Variants in CCDC171 observed in about 807,000 individuals in gnomAD.
CCDC171 encodes coiled-coil domain-containing protein 171.
Under a neutral mutation model 168.2 loss-of-function variants are expected in CCDC171, and 177 were observed. The observed-to-expected ratio is 1.05, with a 90% confidence interval of 0.93 to 1.19. CCDC171 has a LOEUF of 1.19. CCDC171 is among the 50% of genes most tolerant of loss of function. The probability of loss-of-function intolerance (pLI) is 0.00; values close to 1 mark genes in which losing one functional copy is unlikely to be tolerated. For synonymous variants in CCDC171, 687 were observed against 540.8 expected, an observed-to-expected ratio of 1.27 and a Z score of -3.75; for missense variants, 1,991 against 1,539.0, an observed-to-expected ratio of 1.29 and a Z score of -4.91.
chr9:15,975,844 G>T (rs1338813268), downstream of CCDC171, among the ~76,000 whole-genome samples: 1 of 152,114 alleles, frequency 6.6e-6, no homozygotes. Context: ...TACCGTCTAC[G>T]GCAAAGGGAC....
chr9:16,089,113 A>G, the CCDC171 span, among the ~76,000 whole-genome samples: 26,413 of 151,894 alleles, frequency 0.17, 2,374 homozygotes, highest in South Asian at 0.21. Context: ...AATGGGGAAA[A>G]TATTCCCTAT....
intron 7 of CCDC171, among the ~76,000 whole-genome samples, chr9:15,641,847 G>A (rs1216890619): frequency 6.6e-6 from 1 of 152,204 alleles, no homozygotes; most frequent in African/African-American, 2.4e-5. Flanking sequence ...GACAAAATAT[G>A]TGATAACTTT....
chr9:16,083,034 C>T, the CCDC171 span, among the ~76,000 whole-genome samples: 2 of 152,102 alleles, frequency 1.3e-5, no homozygotes, highest in Non-Finnish European at 2.9e-5. Flanking sequence ...GTCTCTAAGT[C>T]AATGGAATGA....
downstream of CCDC171, among the ~76,000 whole-genome samples, chr9:16,066,527 T>C (rs1207703404): frequency 1.3e-5 from 2 of 151,550 alleles, no homozygotes; most frequent in African/African-American, 4.8e-5. Flanking sequence ...TAGTTATATA[T>C]GTATACATGT....
At chr9:15,950,002 GT>G (rs1309069078) in intron 25 of CCDC171, among the ~76,000 whole-genome samples, 3 of 152,114 alleles carry the variant, frequency 2.0e-5, no homozygotes, top group Non-Finnish European at 2.9e-5. Context: ...TTTATTGAGA[GT>G]TTTTAGCATG....
chr9:15,713,317 T>G (rs1588102404), intron 11 of CCDC171, among the ~76,000 whole-genome samples: 1 of 570 alleles, frequency 1.8e-3, no homozygotes, highest in South Asian at 0.083. Context: ...CCAAGCCCAT[T>G]TTTTTTTTTT....
intron 20 of CCDC171, among the ~76,000 whole-genome samples, chr9:15,779,674 A>G (rs192971636): frequency 7.7e-4 from 117 of 152,252 alleles, no homozygotes; most frequent in African/African-American, 2.6e-3. Flanking sequence ...CTCTTCTTAT[A>G]TTGAATATTT....
chr9:16,017,207 C>G (rs1833048301), intron 3 of CCDC171, among the ~76,000 whole-genome samples: 1 of 152,024 alleles, frequency 6.6e-6, no homozygotes, highest in Non-Finnish European at 1.5e-5. Flanking sequence ...TGTCTATACC[C>G]TTTATCCAGA....
At chr9:15,666,079 G>A (rs1292902634) in intron 8 of CCDC171, 84 bp from the exon 9 acceptor site, 3 of 1,205,844 alleles carry the variant, frequency 2.5e-6, no homozygotes, top group East Asian at 2.4e-5. Flanking sequence ...ATGATAATCT[G>A]TTACTGACAA....
downstream of CCDC171, among the ~76,000 whole-genome samples, chr9:15,974,195 C>T (rs899039459): frequency 6.6e-6 from 1 of 151,812 alleles, no homozygotes; most frequent in African/African-American, 2.4e-5. Context: ...ACCTCCTGAG[C>T]GATCATTAGT....
Position 15,695,391 on chromosome 9 carries a change from A to G in CCDC171, c.1318+54A>G, listed in dbSNP as rs2048446293. ...CATCTGTCAATGTTCCAAAGTCACT[A>G]CATTTTGGGAATTCTGCAGATGCCT... On this transcript the variant is annotated intron_variant, in intron 11 of 25. Coordinates refer to ENST00000380701, the MANE Select transcript of CCDC171 (RefSeq NM_173550.4). The G allele has an allele frequency of 3.7e-6, 5 of 1,359,558 alleles. No homozygotes were observed. In the East Asian group the frequency reaches 6.9e-5, roughly 19 times the overall value. 84.2% of individuals were successfully genotyped at this position (1,359,558 alleles called of 1,614,324 possible). A position where few individuals can be genotyped will look rare whatever the true frequency, so the allele number is the denominator to read the frequency against.
intron 24 of CCDC171, among the ~76,000 whole-genome samples, chr9:15,896,108 G>T (rs1250263768): frequency 6.6e-6 from 1 of 151,758 alleles, no homozygotes; most frequent in African/African-American, 2.4e-5. Context: ...TTTCTTTACA[G>T]TAATCTTTAG....
At chr9:15,657,614 T>C (rs185918370) in intron 8 of CCDC171, among the ~76,000 whole-genome samples, 11 of 152,320 alleles carry the variant, frequency 7.2e-5, no homozygotes, top group Non-Finnish European at 1.3e-4. Context: ...TGTTATTTAT[T>C]GAGTGCATAT....
At chr9:15,825,374 G>T (rs1563816160) in intron 21 of CCDC171, among the ~76,000 whole-genome samples, 1 of 152,064 alleles carries the variant, frequency 6.6e-6, no homozygotes, top group Non-Finnish European at 1.5e-5. Context: ...ATTCTCATGA[G>T]GATCCTGAGT....
intron 11 of CCDC171, among the ~76,000 whole-genome samples, chr9:15,708,362 A>G (rs781739957): frequency 1.1e-4 from 16 of 152,196 alleles, no homozygotes; most frequent in Non-Finnish European, 1.9e-4. Context: ...TACGTAGTCA[A>G]TAGAACTGGA....
intron 25 of CCDC171, among the ~76,000 whole-genome samples, chr9:15,950,740 A>G (rs1829050618): frequency 1.3e-5 from 2 of 152,086 alleles, no homozygotes; most frequent in South Asian, 4.2e-4. Context: ...ACCAGCTAAC[A>G]TCATAATGAC....
In CCDC171 at chr9:15,575,157, C is replaced by CTT. The variant is rs57272096; in HGVS notation, c.177+3423_177+3424dup. Among the ~76,000 whole-genome samples, 38 of 86,904 alleles carry CTT rather than the reference C, an allele frequency of 4.4e-4. 1 individual carries two copies. In the South Asian group the frequency reaches 9.3e-3, roughly 21 times the overall value. The allele number at this position is 86,904 out of a possible 152,430, so 57.0% of individuals were successfully genotyped here. ...AGGGTAAAGGAGAGTGACATAACTA[C>CTT]TTTTTTTTTTTTTTTTTTTTTTTTT... On this transcript the variant is annotated intron_variant, in intron 3 of 25. Coordinates refer to ENST00000380701, the MANE Select transcript of CCDC171 (RefSeq NM_173550.4).
Position 15,947,974 on chromosome 9 carries a change from G to A in CCDC171, c.3754-23635G>A, listed in dbSNP as rs9407694. Among the ~76,000 whole-genome samples, 288 of 147,658 alleles carry A rather than the reference G, an allele frequency of 2.0e-3. 2 individuals are homozygous for A. The highest frequency in any genetic ancestry group is 6.8e-3 in the African/African-American group (269 of 39,322). ...ATATCTCCCAATGCTATCCCTCCCC[G>A]CTGCCCCCACCCCACAACAGTCCCC... is the stretch of plus-strand genomic sequence containing the variant. On this transcript the variant is annotated intron_variant, in intron 25 of 25. Transcript: ENST00000380701.
chr9:15,810,455 C>G (rs944992497), intron 21 of CCDC171, among the ~76,000 whole-genome samples: 4 of 139,118 alleles, frequency 2.9e-5, no homozygotes, highest in Admixed American at 2.8e-4. Context: ...GGGGGTGGCG[C>G]CTGTCGGGGA....
Sources: allele counts gnomAD v4.1 joint callset (sites outside exome capture counted in the v4.1 genomes callset), GRCh38; gene constraint gnomAD v4.1.1; transcripts MANE v1.5; gene names NCBI Gene and HGNC (gene_info 2026-07-23, HGNC 2026-07-21).